The following DLGAP2 variants were observed in gnomAD, a reference collection of about 807,000 sequenced individuals.
DLGAP2 encodes DLG associated protein 2.
DLGAP2 carries 26 observed loss-of-function variants against 100.3 expected under a neutral mutation model. The ratio of observed to expected loss-of-function variants is 0.26; its 90% CI spans 0.19 to 0.36. DLGAP2 has a LOEUF of 0.36. DLGAP2 is among the 10% of genes least tolerant of loss of function. DLGAP2 has a pLI of 1.00. For synonymous variants in DLGAP2, 886 were observed against 630.1 expected, an observed-to-expected ratio of 1.41 and a Z score of -6.08; for missense variants, 1,858 against 1,453.2, an observed-to-expected ratio of 1.28 and a Z score of -4.53.
intron 2 of DLGAP2, among the ~76,000 whole-genome samples, chr8:1,191,921 C>G (rs923124140): frequency 1.3e-5 from 2 of 152,132 alleles, no homozygotes; most frequent in East Asian, 3.9e-4. Flanking sequence ...CTCACTGATC[C>G]CTCAACTACG....
chr8:1,412,356 C>T (rs925058934), intron 3 of DLGAP2, among the ~76,000 whole-genome samples: 7 of 152,214 alleles, frequency 4.6e-5, no homozygotes, highest in Non-Finnish European at 5.9e-5. Context: ...GCTCTTTCTC[C>T]TCCATCTCTC....
intron 3 of DLGAP2, among the ~76,000 whole-genome samples, chr8:1,466,915 C>G (rs533073288): frequency 6.6e-6 from 1 of 152,180 alleles, no homozygotes; most frequent in Non-Finnish European, 1.5e-5. Flanking sequence ...CTAAACACAC[C>G]TTTTAGAAAT....
chr8:925,210 A>C (rs770643589), intron 2 of DLGAP2, among the ~76,000 whole-genome samples: 2 of 152,122 alleles, frequency 1.3e-5, no homozygotes, highest in Admixed American at 1.3e-4. Context: ...GGCTCAAGCT[A>C]TCCTCCCATC....
chr8:1,692,529 G>C (rs532748854), intron 13 of DLGAP2, among the ~76,000 whole-genome samples: 13 of 152,260 alleles, frequency 8.5e-5, no homozygotes, highest in African/African-American at 3.1e-4. Flanking sequence ...AGGAAGAGGC[G>C]GGCTGCAGCA....
chr8:941,257 A>C (rs1421819830), intron 2 of DLGAP2, among the ~76,000 whole-genome samples: 1 of 152,106 alleles, frequency 6.6e-6, no homozygotes, highest in Non-Finnish European at 1.5e-5. Flanking sequence ...GTTTTAGCAT[A>C]GACTGAGGTT....
intron 2 of DLGAP2, among the ~76,000 whole-genome samples, chr8:1,048,809 C>G (rs1802590788): frequency 6.6e-6 from 1 of 152,026 alleles, no homozygotes; most frequent in South Asian, 2.1e-4. Context: ...CCTTTCTTCT[C>G]TGTAAAATGA....
At chr8:1,596,735 C>G (rs1237962463) in intron 6 of DLGAP2, among the ~76,000 whole-genome samples, 1 of 151,402 alleles carries the variant, frequency 6.6e-6, no homozygotes, top group East Asian at 1.9e-4. Flanking sequence ...GTTTTTTTTT[C>G]TTGTAAATTT....
chr8:1,696,613 G>A (rs183861964), intron 13 of DLGAP2, among the ~76,000 whole-genome samples: 35 of 152,356 alleles, frequency 2.3e-4, no homozygotes, highest in Middle Eastern at 3.4e-3. Flanking sequence ...GCCCAGCAGC[G>A]TCACCTGTGC....
At chr8:1,669,483 C>T (rs1340107671) in intron 9 of DLGAP2, among the ~76,000 whole-genome samples, 5 of 152,220 alleles carry the variant, frequency 3.3e-5, no homozygotes, top group Non-Finnish European at 7.3e-5. Flanking sequence ...GCAGGGCTGG[C>T]CGTCAAGCCC....
intron 3 of DLGAP2, among the ~76,000 whole-genome samples, chr8:1,365,584 A>G (rs1287008362): frequency 2.0e-5 from 3 of 152,200 alleles, no homozygotes; most frequent in Non-Finnish European, 4.4e-5. Flanking sequence ...AATTCTTGCC[A>G]CACTAAAAGC....
intron 3 of DLGAP2, among the ~76,000 whole-genome samples, chr8:1,445,035 G>T (rs1797945587): frequency 6.7e-6 from 1 of 149,882 alleles, no homozygotes; most frequent in African/African-American, 2.5e-5. Flanking sequence ...CTCCCAAAGT[G>T]CTGGGATTAC....
intron 1 of DLGAP2, among the ~76,000 whole-genome samples, chr8:772,408 C>T (rs921006509): frequency 3.3e-5 from 5 of 152,086 alleles, no homozygotes; most frequent in Admixed American, 1.3e-4. Flanking sequence ...CTGCAAGCTC[C>T]GCCTCCCAGG....
intron 2 of DLGAP2, among the ~76,000 whole-genome samples, chr8:1,091,871 C>T (rs1463105234): frequency 6.6e-6 from 1 of 151,956 alleles, no homozygotes; most frequent in African/African-American, 2.4e-5. Context: ...CTCTTTCGCT[C>T]GTTCTGCTTT....
chr8:791,859 CAT>C (rs1822036193), intron 1 of DLGAP2, among the ~76,000 whole-genome samples: 2 of 152,186 alleles, frequency 1.3e-5, no homozygotes, highest in African/African-American at 4.8e-5. Flanking sequence ...TCTCCACACA[CAT>C]GCACTGTTTT....
intron 3 of DLGAP2, among the ~76,000 whole-genome samples, chr8:1,479,723 A>C (rs1446740382): frequency 6.6e-6 from 1 of 152,194 alleles, no homozygotes; most frequent in Admixed American, 6.5e-5. Context: ...AGTTGATTTC[A>C]AGGTAGTCTT....
intron 2 of DLGAP2, among the ~76,000 whole-genome samples, chr8:967,844 A>AACACCAC (rs1799915852): frequency 4.5e-5 from 3 of 66,778 alleles, no homozygotes; most frequent in Admixed American, 1.3e-4. Flanking sequence ...ATATATATAT[A>AACACCAC]TATATATATA....
chr8:1,606,465 C>G (rs543639773), intron 6 of DLGAP2, among the ~76,000 whole-genome samples: 1 of 152,252 alleles, frequency 6.6e-6, no homozygotes, highest in African/African-American at 2.4e-5. Context: ...CCTGTCGTGG[C>G]CATGGAACCC....
At chr8:1,210,190 C>T (rs992673489) in intron 2 of DLGAP2, among the ~76,000 whole-genome samples, 7 of 152,090 alleles carry the variant, frequency 4.6e-5, no homozygotes, top group African/African-American at 1.7e-4. Context: ...GTGGGCTCTG[C>T]TGGGCATGTG....
At chr8:828,453 C>G (rs893686455) in intron 1 of DLGAP2, among the ~76,000 whole-genome samples, 2 of 152,202 alleles carry the variant, frequency 1.3e-5, no homozygotes, top group Admixed American at 1.3e-4. Context: ...TGGCTCTGTT[C>G]CGCCCAGCTC....
Sources: gnomAD v4.1 joint callset for allele counts (sites outside exome capture counted in the v4.1 genomes callset) on GRCh38, gnomAD v4.1.1 for gene constraint, MANE v1.5 for transcripts, NCBI Gene and HGNC (gene_info 2026-07-23, HGNC 2026-07-21) for gene names.